Variants in ATF7 observed in about 807,000 individuals in gnomAD.
ATF7 encodes the protein activating transcription factor 7, also known as cyclic AMP-dependent transcription factor ATF-7.
ATF7 carries 10 observed loss-of-function variants against 50.4 expected under a neutral mutation model. The ratio of observed to expected loss-of-function variants is 0.20; its 90% confidence interval spans 0.12 to 0.34. ATF7 has a LOEUF of 0.34. Among genes scored for constraint, ATF7 ranks in the 10% least tolerant of loss-of-function variants. The probability of loss-of-function intolerance (pLI) is 1.00; values close to 1 mark genes in which losing one functional copy is unlikely to be tolerated. For synonymous variants in ATF7, 201 were observed against 226.4 expected, an observed-to-expected ratio of 0.89 and a Z score of 1.01; for missense variants, 465 against 613.9, an observed-to-expected ratio of 0.76 and a Z score of 2.56.
In ATF7 at chr12:53,512,318, A is replaced by C. The variant is rs1336192256; in HGVS notation, c.*4819T>G. The C allele has an allele frequency of 6.6e-6, 1 of 152,226 alleles. No homozygotes were observed. Among genetic ancestry groups the C allele is most frequent in the Non-Finnish European group, 1.5e-5 (1 of 68,040 alleles). The allele number at this position is 152,226 out of a possible 1,614,324, so 9.4% of individuals were successfully genotyped here. A position where few individuals can be genotyped will look rare whatever the true frequency, so the allele number is the denominator to read the frequency against. On this transcript the variant is annotated 3_prime_UTR_variant, in exon 12 of 12. Transcript: ENST00000420353. The stretch of plus-strand genomic sequence containing the variant: ...AAGACAGTTTTGTAACAAAAAACAA[A>C]ATAGCCTGCAGCACTGCATCCTCCT...
chr12:53,622,340 G>T (rs1283322777), intron 1 of ATF7, among the ~76,000 whole-genome samples: 1 of 151,758 alleles, frequency 6.6e-6, no homozygotes, highest in African/African-American at 2.4e-5. Context: ...GAAATAGCTG[G>T]CCGGGCGTGG....
chr12:53,523,401 G>A lies in ATF7; in HGVS notation c.1126-17C>T. On this transcript the variant is annotated splice_polypyrimidine_tract_variant and intron_variant, in intron 10 of 11. Transcript: ENST00000420353. ...GACTTCATTCTGAGGAGGGAGGGAA[G>A]AAAAGAGTATCAAGAAAATTCATCC... is the stretch of plus-strand genomic sequence containing the variant. The A allele has an allele frequency of 6.4e-7, 1 of 1,571,658 alleles. No individual in the cohort carries two copies. The highest frequency in any genetic ancestry group is 8.8e-7 in the Non-Finnish European group (1 of 1,141,740).
intron 2 of ATF7, among the ~76,000 whole-genome samples, chr12:53,553,699 G>A (rs1940528473): frequency 6.6e-6 from 1 of 152,148 alleles, no homozygotes; most frequent in Non-Finnish European, 1.5e-5. Context: ...GGATGCTGCA[G>A]TTTTCCACAG....
intron 1 of ATF7, among the ~76,000 whole-genome samples, chr12:53,606,180 A>C (rs977650735): frequency 6.6e-6 from 1 of 152,072 alleles, no homozygotes; most frequent in African/African-American, 2.4e-5. Context: ...ACCTCACCTG[A>C]GCTATTAAGA....
intron 4 of ATF7, 110 bp downstream of exon 4, chr12:53,543,220 T>G: frequency 6.5e-7 from 1 of 1,550,266 alleles, no homozygotes; most frequent in Non-Finnish European, 8.7e-7. Context: ...TTTACTCTAC[T>G]AAGCCCATGA....
intron 2 of ATF7, among the ~76,000 whole-genome samples, chr12:53,583,894 T>G (rs977370010): frequency 8.5e-5 from 13 of 152,200 alleles, no homozygotes; most frequent in African/African-American, 2.9e-4. Context: ...CGGACTTTAG[T>G]CAGACACTTC....
At chr12:53,624,996 T>C (rs1016026249) in intron 1 of ATF7, among the ~76,000 whole-genome samples, 7 of 152,204 alleles carry the variant, frequency 4.6e-5, no homozygotes, top group African/African-American at 1.7e-4. Flanking sequence ...AGGACTCATG[T>C]GAGCTTGCTG....
At chr12:53,577,842 A>G (rs1942185462) in intron 2 of ATF7, among the ~76,000 whole-genome samples, 1 of 152,172 alleles carries the variant, frequency 6.6e-6, no homozygotes, top group Non-Finnish European at 1.5e-5. Context: ...CCACACCATA[A>G]GAACAATAAG....
intron 1 of ATF7, among the ~76,000 whole-genome samples, chr12:53,607,466 CAT>C (rs1179560418): frequency 2.6e-5 from 4 of 152,122 alleles, no homozygotes; most frequent in Non-Finnish European, 5.9e-5. Flanking sequence ...TAAAACCAGA[CAT>C]GTGGACCATT....
At chr12:53,610,331 G>A (rs530253953) in intron 1 of ATF7, among the ~76,000 whole-genome samples, 52 of 151,960 alleles carry the variant, frequency 3.4e-4, no homozygotes, top group African/African-American at 1.1e-3. Context: ...TTGGGACGAC[G>A]AGGCAGGTGG....
intron 6 of ATF7, 64 bp from the exon 7 acceptor site, chr12:53,533,323 T>A: frequency 7.3e-7 from 1 of 1,366,182 alleles, no homozygotes; most frequent in Admixed American, 1.8e-5. Context: ...CTTCCTCTTA[T>A]AATTACAGAA....
chr12:53,515,920 G>A lies in ATF7; in HGVS notation c.*1217C>T, dbSNP rs1937675013. 1 of 152,290 alleles carries A rather than the reference G, an allele frequency of 6.6e-6. No homozygotes were observed. 9.4% of individuals were successfully genotyped at this position (152,290 alleles called of 1,614,324 possible). A position where few individuals can be genotyped will look rare whatever the true frequency, so the allele number is the denominator to read the frequency against. On this transcript the variant is annotated 3_prime_UTR_variant, in exon 12 of 12. Transcript: ENST00000420353. ...GAAAGAGAAAGAAGATAGTCCAGACGGTGATGGGCACTTGTGAACAGAAGA... is the reference window on the plus strand; with the variant it reads ...GAAAGAGAAAGAAGATAGTCCAGACAGTGATGGGCACTTGTGAACAGAAGA...
chr12:53,539,785 A>G (rs1939431565), intron 4 of ATF7, among the ~76,000 whole-genome samples: 3 of 150,132 alleles, frequency 2.0e-5, no homozygotes, highest in African/African-American at 7.4e-5. Context: ...GCAGAACTAC[A>G]AGACCAGGTG....
intron 2 of ATF7, among the ~76,000 whole-genome samples, chr12:53,561,328 T>TA (rs1941095003): frequency 3.8e-5 from 2 of 52,254 alleles, no homozygotes; most frequent in Non-Finnish European, 5.4e-5. Flanking sequence ...GACTGTCTCT[T>TA]TAAAAAAAAA....
intron 2 of ATF7, among the ~76,000 whole-genome samples, chr12:53,578,317 G>A (rs181654514): frequency 1.4e-5 from 2 of 141,300 alleles, no homozygotes; most frequent in Admixed American, 7.4e-5. Context: ...GAGGTGAGCT[G>A]AGATCACACC....
At chr12:53,609,790 A>G (rs965348205) in intron 1 of ATF7, among the ~76,000 whole-genome samples, 8 of 148,762 alleles carry the variant, frequency 5.4e-5, no homozygotes, top group African/African-American at 2.0e-4. Flanking sequence ...ATAATCTTAA[A>G]CTAATTAGCC....
At chr12:53,624,197 C>G (rs1944510717) in intron 1 of ATF7, among the ~76,000 whole-genome samples, 1 of 152,200 alleles carries the variant, frequency 6.6e-6, no homozygotes, top group Non-Finnish European at 1.5e-5. Flanking sequence ...TAGCAATGCA[C>G]TTACTGTGAA....
At chr12:53,620,281 A>C (rs1221269576) in intron 1 of ATF7, among the ~76,000 whole-genome samples, 1 of 151,978 alleles carries the variant, frequency 6.6e-6, no homozygotes, top group Non-Finnish European at 1.5e-5. Context: ...TCTACTAAAA[A>C]AATACAAAAA....
At chr12:53,580,169 G>A (rs1010473597) in intron 2 of ATF7, among the ~76,000 whole-genome samples, 2 of 151,178 alleles carry the variant, frequency 1.3e-5, no homozygotes, top group Non-Finnish European at 1.5e-5. Context: ...GACCTCAGGT[G>A]ATCCACCTGC....
Sources: gnomAD v4.1 joint callset for allele counts (sites outside exome capture counted in the v4.1 genomes callset) on GRCh38, gnomAD v4.1.1 for gene constraint, MANE v1.5 for transcripts, NCBI Gene and HGNC (gene_info 2026-07-23, HGNC 2026-07-21) for gene names.